Variants in WFDC1 observed in about 807,000 individuals in gnomAD.
The protein encoded by WFDC1 is WAP four-disulfide core domain 1.
In WFDC1, 39 loss-of-function variants were observed where a neutral mutation model predicts 32.9. The observed-to-expected ratio is 1.19, with a 90% CI of 0.92 to 1.55. The LOEUF (loss-of-function observed/expected upper bound fraction) is 1.55. Ranked by LOEUF, WFDC1 falls within the 40% of genes most tolerant of loss-of-function variation. The pLI is 0.00. For synonymous variants in WFDC1, 184 were observed against 137.4 expected (o/e 1.34, Z -2.37); for missense variants, 386 against 309.5 (o/e 1.25, Z -1.85).
intron 3 of WFDC1, 85 bp from the exon 4 acceptor site, chr16:84,319,346 C>G: frequency 6.5e-7 from 1 of 1,546,868 alleles, no homozygotes; most frequent in Non-Finnish European, 8.7e-7. Flanking sequence ...CTGCACCCGT[C>G]CCGGGAGTCT....
intron 1 of WFDC1, among the ~76,000 whole-genome samples, chr16:84,308,178 A>G (rs1907380785): frequency 6.6e-6 from 1 of 151,922 alleles, no homozygotes; most frequent in Non-Finnish European, 1.5e-5. Context: ...CTGCTTGGCC[A>G]TTCCTGCTCT....
At chr16:84,316,312 C>A (rs530762705) in intron 2 of WFDC1, 10 of 152,248 alleles carry the variant, frequency 6.6e-5, no homozygotes, top group African/African-American at 2.4e-4. Flanking sequence ...TTTACCAGTA[C>A]CCATCAATAT....
intron 1 of WFDC1, chr16:84,295,891 C>G (rs975883030): frequency 6.6e-5 from 10 of 152,396 alleles, no homozygotes; most frequent in African/African-American, 2.2e-4. Flanking sequence ...TTACCAGGTA[C>G]TGTCCTAGGC....
At chr16:84,327,821 A>G (rs1379568895) in intron 6 of WFDC1, 1 of 152,180 alleles carries the variant, frequency 6.6e-6, no homozygotes, top group African/African-American at 2.4e-5. Flanking sequence ...TCTGATAGTC[A>G]TGGTTCCAGC....
rs557907392 is a variant in WFDC1 at position 84,318,362 on chromosome 16, G to A, written c.421+7G>A. ...CCTGAGGAGGTGTTACAAGGTACCT[G>A]CCGGGTAAAGCCCAGACCCTACATC... On this transcript the variant is annotated splice_region_variant and intron_variant, in intron 3 of 6. Transcript: ENST00000219454. 8.7e-6 allele frequency: 14 copies of A among 1,613,670 alleles called. No individual in the cohort carries two copies. The highest frequency in any genetic ancestry group is 2.2e-5 in the South Asian group (2 of 91,058).
chr16:84,313,498 G>C (rs374918598), intron 2 of WFDC1, among the ~76,000 whole-genome samples: 1 of 152,354 alleles, frequency 6.6e-6, no homozygotes. Flanking sequence ...CCCGCTGATA[G>C]GATGCGGGTG....
chr16:84,313,599 C>T (rs1449629169), intron 2 of WFDC1, among the ~76,000 whole-genome samples: 1 of 152,226 alleles, frequency 6.6e-6, no homozygotes, highest in African/African-American at 2.4e-5. Flanking sequence ...GCTGGAACCT[C>T]AGGTGCCCCT....
rs1020271770 is a variant in WFDC1 at position 84,295,231 on chromosome 16, G to A, written c.144+116G>A. 2.6e-5 allele frequency: 36 copies of A among 1,370,378 alleles called. No individual in the cohort carries two copies. In the Middle Eastern group the frequency reaches 1.2e-3, roughly 45 times the overall value. The allele number at this position is 1,370,378 out of a possible 1,614,324, so 84.9% of individuals were successfully genotyped here. A position where few individuals can be genotyped will look rare whatever the true frequency, so the allele number is the denominator to read the frequency against. ...TAAGTGCTCCCCCAAAACGTGGCAA[G>A]GCAGGCGTCTTCCTATCCGTGTGTG... On this transcript the variant is annotated intron_variant, in intron 1 of 6. Transcript: ENST00000219454.
intron 1 of WFDC1, among the ~76,000 whole-genome samples, chr16:84,311,837 GC>G (rs977194268): frequency 2.0e-5 from 3 of 151,536 alleles, no homozygotes; most frequent in Non-Finnish European, 4.4e-5. Context: ...ACAGCACCTG[GC>G]CCCTATATCT....
chr16:84,325,846 C>T (rs1011729603), intron 5 of WFDC1: 2 of 152,168 alleles, frequency 1.3e-5, no homozygotes, highest in African/African-American at 4.8e-5. Flanking sequence ...GCCCGTACAT[C>T]CATTCACCCA....
chr16:84,313,157 G>T lies in WFDC1; in HGVS notation c.337+4G>T. On this transcript the variant is annotated splice_donor_region_variant and intron_variant, in intron 2 of 6. Transcript: ENST00000219454. ...GAAGCTGTGCCGCCCCCGCCAGGTA[G>T]GTCCTGGGCCCGAGGGAGGGGGCTG... is the stretch of plus-strand genomic sequence containing the variant. The T allele has an allele frequency of 7.0e-7, 1 of 1,423,882 alleles. No homozygotes were observed. The highest frequency in any genetic ancestry group is 3.4e-5 in the Admixed American group (1 of 29,444). The allele number at this position is 1,423,882 out of a possible 1,614,324, so 88.2% of individuals were successfully genotyped here. A position where few individuals can be genotyped will look rare whatever the true frequency, so the allele number is the denominator to read the frequency against.
At chr16:84,315,336 A>T (rs1442042966) in intron 2 of WFDC1, among the ~76,000 whole-genome samples, 1 of 152,138 alleles carries the variant, frequency 6.6e-6, no homozygotes, top group African/African-American at 2.4e-5. Context: ...AATCTGGAAG[A>T]CTGTGTTTTA....
intron 1 of WFDC1, among the ~76,000 whole-genome samples, chr16:84,306,903 G>T (rs1015342171): frequency 6.6e-6 from 1 of 152,178 alleles, no homozygotes; most frequent in African/African-American, 2.4e-5. Context: ...CCCTAGGAGG[G>T]AGAAAAACAG....
At chr16:84,310,596 C>A (rs1049608685) in intron 1 of WFDC1, among the ~76,000 whole-genome samples, 8 of 152,176 alleles carry the variant, frequency 5.3e-5, no homozygotes, top group African/African-American at 1.2e-4. Context: ...TCCAAAGGCA[C>A]CTTTCCTAAT....
rs1340808081 is a variant in WFDC1 at position 84,318,327 on chromosome 16, C to T, written c.393C>T (p.Leu131=). ...GATGGCTTGGTGGCAATGGCTGGCTCCTGGATGGCCCTGAGGAGGTGTTAC... is the reference window on the plus strand; with the variant it reads ...GATGGCTTGGTGGCAATGGCTGGCTTCTGGATGGCCCTGAGGAGGTGTTAC... ...KPRWLGGNGW[L]LDGPEEVLQA... The change falls in exon 3 of 7, where the codon CTC becomes CTT. Residue 131 remains leucine, a synonymous_variant. Transcript: ENST00000219454. The T allele has an allele frequency of 1.2e-6, 2 of 1,614,132 alleles. No homozygotes were observed. Among genetic ancestry groups the T allele is most frequent in the Non-Finnish European group, 1.7e-6 (2 of 1,180,004 alleles).
chr16:84,319,177 G>C (rs1170461826), intron 3 of WFDC1: 2 of 542,692 alleles, frequency 3.7e-6, no homozygotes, highest in African/African-American at 3.8e-5. Flanking sequence ...TGCTGAGCCT[G>C]TGAGAGTATG....
rs1908479456 is a variant in WFDC1 at position 84,324,558 on chromosome 16, A to G, written c.604+98A>G. On this transcript the variant is annotated intron_variant, in intron 5 of 6. Coordinates refer to ENST00000219454, the MANE Select transcript of WFDC1 (RefSeq NM_021197.4). The stretch of plus-strand genomic sequence containing the variant: ...AAAAATAAAAGCCCAGGGCTGAGAT[A>G]TAGGGAACAAAATGGGACCTGGGAT... The G allele has an allele frequency of 2.9e-6, 4 of 1,382,820 alleles. No homozygotes were observed. The Middle Eastern group carries it at 7.0e-4, about 242-fold the overall frequency. 85.7% of individuals were successfully genotyped at this position (1,382,820 alleles called of 1,614,324 possible).
chr16:84,318,656 A>C, intron 3 of WFDC1: 1 of 315,336 alleles, frequency 3.2e-6, no homozygotes, highest in Middle Eastern at 1.1e-3. Flanking sequence ...CTAGAATTCT[A>C]GGGGGTTCAC....
intron 1 of WFDC1, chr16:84,295,945 G>C (rs898807581): frequency 1.3e-5 from 2 of 152,364 alleles, no homozygotes; most frequent in African/African-American, 2.4e-5. Flanking sequence ...GAACTCAATG[G>C]GGGGCTGGGG....
Sources: allele counts gnomAD v4.1 joint callset (sites outside exome capture counted in the v4.1 genomes callset), GRCh38; gene constraint gnomAD v4.1.1; transcripts MANE v1.5; gene names NCBI Gene and HGNC (gene_info 2026-07-23, HGNC 2026-07-21).